Variants in IL1R1 observed in about 807,000 individuals in gnomAD.
The protein encoded by IL1R1 is interleukin-1 receptor type 1.
In IL1R1, 22 loss-of-function variants were observed where a neutral mutation model predicts 50.2. That is an observed-to-expected ratio of 0.44 (90% CI 0.31 to 0.63). The LOEUF (loss-of-function observed/expected upper bound fraction) is 0.63. IL1R1 is among the 20% of genes least tolerant of loss of function. The pLI is 0.07. For synonymous variants in IL1R1, 251 were observed against 236.7 expected, an observed-to-expected ratio of 1.06 and a Z score of -0.55; for missense variants, 509 against 676.2, an observed-to-expected ratio of 0.75 and a Z score of 2.74.
rs1043912256 is a variant in IL1R1 at position 102,117,931 on chromosome 2, A to G, written c.-84+13059A>G. Reference sequence around the variant, plus strand: ...TTGTAAAGGAACAAGAAAAAAATATATAATTTTTCTAAATATATATATAGG... The same window carrying G: ...TTGTAAAGGAACAAGAAAAAAATATGTAATTTTTCTAAATATATATATAGG... On this transcript the variant is annotated intron_variant, in intron 1 of 10. Coordinates refer to the IL1R1 transcript ENST00000409329. 2.6e-5 allele frequency among the ~76,000 whole-genome samples: 4 copies of G among 151,208 alleles called. No homozygotes were observed. In the East Asian group the frequency reaches 7.7e-4, roughly 29 times the overall value.
chr2:102,089,218 T>C (rs1030892412), intron 1 of IL1R1, among the ~76,000 whole-genome samples: 1 of 152,220 alleles, frequency 6.6e-6, no homozygotes, highest in Non-Finnish European at 1.5e-5. Context: ...TTGTTTTTAT[T>C]AAAGTGAGAG....
At chr2:102,165,369 A>G in intron 5 of IL1R1, 65 bp downstream of exon 5, 2 of 826,976 alleles carry the variant, frequency 2.4e-6, no homozygotes, top group Non-Finnish European at 3.6e-6. Context: ...TGGACAATAG[A>G]ATGTATCTGC....
chr2:102,121,567 T>C (rs766584231), intron 1 of IL1R1, among the ~76,000 whole-genome samples: 1 of 152,188 alleles, frequency 6.6e-6, no homozygotes, highest in Non-Finnish European at 1.5e-5. Flanking sequence ...CCTCCCTGGC[T>C]GTGTGGTCAG....
intron 1 of IL1R1, among the ~76,000 whole-genome samples, chr2:102,098,084 T>C (rs1345960135): frequency 6.6e-6 from 1 of 152,090 alleles, no homozygotes; most frequent in Non-Finnish European, 1.5e-5. Context: ...GTGTTACGAT[T>C]ATACCAGAAA....
chr2:102,129,788 G>GTCTGCTCT (rs1681930229), intron 1 of IL1R1, among the ~76,000 whole-genome samples: 1 of 152,172 alleles, frequency 6.6e-6, no homozygotes, highest in African/African-American at 2.4e-5. Context: ...ATGTAGAGCA[G>GTCTGCTCT]ACGTTCTTGA....
chr2:102,093,854 C>T (rs112228501), intron 1 of IL1R1, among the ~76,000 whole-genome samples: 1 of 115,458 alleles, frequency 8.7e-6, no homozygotes, highest in East Asian at 3.2e-4. Flanking sequence ...GAGACACGCG[C>T]GGGGCAGCAG....
At chr2:102,119,541 C>G (rs1391941353) in intron 1 of IL1R1, among the ~76,000 whole-genome samples, 1 of 152,226 alleles carries the variant, frequency 6.6e-6, no homozygotes, top group East Asian at 1.9e-4. Context: ...CAGTGGCTTT[C>G]TCAGCCTAAC....
At chr2:102,088,685 G>C (rs1270227338) in intron 1 of IL1R1, among the ~76,000 whole-genome samples, 4 of 152,178 alleles carry the variant, frequency 2.6e-5, no homozygotes, top group Non-Finnish European at 5.9e-5. Flanking sequence ...CACTATAAAA[G>C]TCCTAGATGG....
At chr2:102,091,837 A>T (rs1294394102) in intron 1 of IL1R1, among the ~76,000 whole-genome samples, 1 of 152,084 alleles carries the variant, frequency 6.6e-6, no homozygotes, top group Admixed American at 6.6e-5. Context: ...CCTTCATGGG[A>T]TTAACTTTTT....
chr2:102,155,165 T>A (rs1684059387), intron 2 of IL1R1, among the ~76,000 whole-genome samples: 1 of 152,250 alleles, frequency 6.6e-6, no homozygotes, highest in Non-Finnish European at 1.5e-5. Context: ...TTATCAAAAC[T>A]GTTATTTGTC....
chr2:102,154,182 T>G (rs549897598), intron 2 of IL1R1, among the ~76,000 whole-genome samples, 165 bp downstream of exon 2: 1 of 152,314 alleles, frequency 6.6e-6, no homozygotes, highest in South Asian at 2.1e-4. Flanking sequence ...ATGGTTTTAT[T>G]AAATTTTGGA....
chr2:102,169,669 A>G (rs762181831), intron 7 of IL1R1, among the ~76,000 whole-genome samples: 8 of 152,222 alleles, frequency 5.3e-5, no homozygotes, highest in Non-Finnish European at 1.0e-4. Context: ...TGATCTGTGA[A>G]TTCTGTACTT....
Position 102,177,339 on chromosome 2 carries a change from A to G in IL1R1, c.*580A>G, listed in dbSNP as rs1281019722. ...AGGCATGGAGACAGCGAACTAGAAG[A>G]AAGGGCAAGAAGGAAATAGCCACCG... On this transcript the variant is annotated 3_prime_UTR_variant, in exon 12 of 12. Coordinates refer to ENST00000410023, the MANE Select transcript of IL1R1 (RefSeq NM_000877.4). 6.4e-6 allele frequency: 1 copy of G among 157,134 alleles called. No individual in the cohort carries two copies. Among genetic ancestry groups the G allele is most frequent in the African/African-American group, 2.4e-5 (1 of 41,558 alleles). The allele number at this position is 157,134 out of a possible 1,614,324, so 9.7% of individuals were successfully genotyped here.
intron 7 of IL1R1, among the ~76,000 whole-genome samples, chr2:102,171,018 G>T (rs1236633472): frequency 6.6e-6 from 1 of 152,200 alleles, no homozygotes; most frequent in Non-Finnish European, 1.5e-5. Context: ...CCGAGATTGT[G>T]CCACTGCACT....
chr2:102,154,823 G>A (rs1684021577), intron 2 of IL1R1, among the ~76,000 whole-genome samples: 1 of 152,208 alleles, frequency 6.6e-6, no homozygotes, highest in African/African-American at 2.4e-5. Context: ...ACCTCTGCAT[G>A]TTGTGGGAAC....
intron 1 of IL1R1, among the ~76,000 whole-genome samples, chr2:102,136,910 T>C (rs981351221): frequency 6.6e-6 from 1 of 152,216 alleles, no homozygotes; most frequent in African/African-American, 2.4e-5. Flanking sequence ...GACTTACCTC[T>C]CATGGGCTCT....
At chr2:102,172,108 T>C (rs898466264) in intron 8 of IL1R1, 190 bp downstream of exon 8, 6 of 207,226 alleles carry the variant, frequency 2.9e-5, no homozygotes, top group Non-Finnish European at 1.6e-5. Flanking sequence ...TAAAAAATAC[T>C]TGTCATTGTG....
At chr2:102,114,946 A>C (rs1680983189) in intron 1 of IL1R1, among the ~76,000 whole-genome samples, 1 of 152,194 alleles carries the variant, frequency 6.6e-6, no homozygotes, top group Non-Finnish European at 1.5e-5. Flanking sequence ...CCAGTCTGCC[A>C]CGTCAGTGCT....
chr2:102,101,051 C>A (rs1680118619), upstream of IL1R1, among the ~76,000 whole-genome samples: 1 of 152,104 alleles, frequency 6.6e-6, no homozygotes, highest in Admixed American at 6.5e-5. Flanking sequence ...CACTGGAAAG[C>A]ATTTTGGAGA....
Sources: gnomAD v4.1 joint callset for allele counts (sites outside exome capture counted in the v4.1 genomes callset) on GRCh38, gnomAD v4.1.1 for gene constraint, MANE v1.5 for transcripts, NCBI Gene and HGNC (gene_info 2026-07-23, HGNC 2026-07-21) for gene names.